The following TTC7A variants were observed in gnomAD, a reference collection of about 807,000 sequenced individuals.
The protein encoded by TTC7A is tetratricopeptide repeat domain 7A.
In TTC7A, 110 loss-of-function variants were observed where a neutral mutation model predicts 103.7. That is an observed-to-expected ratio of 1.06 (90% confidence interval 0.91 to 1.24). The LOEUF is 1.24. TTC7A is among the 50% of genes most tolerant of loss of function. The probability of loss-of-function intolerance (pLI) is 0.00; values close to 1 mark genes in which losing one functional copy is unlikely to be tolerated. For missense variants in TTC7A, 1,340 were observed against 1,116.3 expected (o/e 1.20, Z -2.86); for synonymous variants, 521 against 467.9 (o/e 1.11, Z -1.47).
chr2:46,952,509 T>C (rs919693039), intron 2 of TTC7A, among the ~76,000 whole-genome samples: 2 of 152,204 alleles, frequency 1.3e-5, no homozygotes, highest in African/African-American at 4.8e-5. Context: ...CTTAGCACTT[T>C]GGGAGGCTAA....
chr2:46,958,636 C>G (rs1672107435), intron 3 of TTC7A: 3 of 984,984 alleles, frequency 3.0e-6, no homozygotes, highest in Non-Finnish European at 4.1e-6. Context: ...ACATGGCCTC[C>G]CCTTTGCCTG....
intron 5 of TTC7A, among the ~76,000 whole-genome samples, chr2:46,979,351 A>C (rs569599964): frequency 6.6e-6 from 1 of 152,318 alleles, no homozygotes; most frequent in East Asian, 1.9e-4. Context: ...ATTCCTGTTC[A>C]TTCCGGCTTT....
intron 1 of TTC7A, among the ~76,000 whole-genome samples, chr2:46,947,306 A>G (rs898266000): frequency 1.3e-5 from 2 of 152,188 alleles, no homozygotes; most frequent in Non-Finnish European, 2.9e-5. Flanking sequence ...AAATGATGCT[A>G]TATAAAAAAG....
At chr2:47,071,668 C>T (rs1684732037) in intron 19 of TTC7A, among the ~76,000 whole-genome samples, 3 of 152,162 alleles carry the variant, frequency 2.0e-5, no homozygotes, top group Admixed American at 6.5e-5. Flanking sequence ...GGCTTCCGGC[C>T]AGCAAGCCCT....
intron 18 of TTC7A, among the ~76,000 whole-genome samples, chr2:47,057,530 C>G (rs892051004): frequency 3.9e-5 from 6 of 152,212 alleles, no homozygotes; most frequent in African/African-American, 1.4e-4. Context: ...GGGGCAGCCT[C>G]TGGAGACAGC....
chr2:47,032,606 A>G (rs1680674656), intron 15 of TTC7A, among the ~76,000 whole-genome samples: 1 of 151,928 alleles, frequency 6.6e-6, no homozygotes, highest in Non-Finnish European at 1.5e-5. Context: ...GCTGCGAAGC[A>G]TTTGGGGATC....
rs372929050 is a variant in TTC7A, at chr2:47,011,408, G to A, written c.1365G>A (p.Ala455=). 76 of 1,610,028 alleles carry A rather than the reference G, an allele frequency of 4.7e-5. No homozygotes were observed. The highest frequency in any genetic ancestry group is 3.7e-4 in the African/African-American group (28 of 75,052). Residue 455 remains alanine, a synonymous_variant, in exon 11 of 20, where the codon GCG becomes GCA. Coordinates refer to ENST00000319190, the MANE Select transcript of TTC7A (RefSeq NM_020458.4). ...PSDPTVPLMA[A]KVCIGSLRWL... is the part of the protein sequence containing the mutation. Reference sequence around the variant, plus strand: ...ACCCCACCGTGCCCCTGATGGCCGCGAAGGTCTGCATCGGGTCCCTTCGCT... The same window carrying A: ...ACCCCACCGTGCCCCTGATGGCCGCAAAGGTCTGCATCGGGTCCCTTCGCT...
At chr2:47,017,689 G>C (rs1205192730) in intron 11 of TTC7A, among the ~76,000 whole-genome samples, 1 of 152,310 alleles carries the variant, frequency 6.6e-6, no homozygotes, top group Admixed American at 6.5e-5. Context: ...GTGCGGGCCT[G>C]CGGAGGTGCC....
intron 3 of TTC7A, among the ~76,000 whole-genome samples, chr2:46,962,339 A>G (rs373555138): frequency 2.0e-5 from 3 of 152,188 alleles, no homozygotes; most frequent in East Asian, 3.9e-4. Context: ...CTCCCAGCTC[A>G]CTTGGACCTC....
chr2:46,938,243 C>T (rs748232576), upstream of TTC7A, among the ~76,000 whole-genome samples: 5 of 152,190 alleles, frequency 3.3e-5, no homozygotes, highest in Non-Finnish European at 5.9e-5. Context: ...TTTAAACCCA[C>T]AAGGAAACAT....
At chr2:46,988,945 G>A (rs1287668584) in intron 5 of TTC7A, among the ~76,000 whole-genome samples, 1 of 152,188 alleles carries the variant, frequency 6.6e-6, no homozygotes, top group East Asian at 1.9e-4. Flanking sequence ...TATTTATTCA[G>A]TGATCATTTC....
Position 47,021,588 on chromosome 2 carries a change from T to C in TTC7A, c.1393-274T>C, listed in dbSNP as rs13000736. Among the ~76,000 whole-genome samples the C allele has an allele frequency of 0.38, 57,769 of 151,840 alleles. 12,281 individuals carry two copies. The highest frequency in any genetic ancestry group is 0.53 in the East Asian group (2,732 of 5,150). On this transcript the variant is annotated intron_variant, in intron 11 of 19. Transcript: ENST00000319190. ...CTGCCCCGGCCCTGGCTTTCCTCTA[T>C]GTGCCGAGCAGGACAGGCACAGACA...
At chr2:46,953,063 T>G (rs1321599197) in intron 2 of TTC7A, among the ~76,000 whole-genome samples, 1 of 152,216 alleles carries the variant, frequency 6.6e-6, no homozygotes, top group African/African-American at 2.4e-5. Flanking sequence ...CAAAGACATA[T>G]ATAGGCACCA....
At chr2:46,978,459 G>C (rs528536248) in intron 4 of TTC7A, among the ~76,000 whole-genome samples, 1 of 152,064 alleles carries the variant, frequency 6.6e-6, no homozygotes, top group South Asian at 2.1e-4. Context: ...TAGTGCAGTG[G>C]TTCATGCCTG....
chr2:46,951,769 C>T (rs776743531), intron 2 of TTC7A: 11 of 419,978 alleles, frequency 2.6e-5, no homozygotes, highest in South Asian at 7.0e-5. Flanking sequence ...TTTATTCCAA[C>T]GTACTGTGTG....
chr2:47,043,076 G>C (rs1428648038), intron 15 of TTC7A, among the ~76,000 whole-genome samples: 3 of 152,358 alleles, frequency 2.0e-5, no homozygotes, highest in South Asian at 2.1e-4. Flanking sequence ...GCTCCGCCAG[G>C]CTTCCTGAAG....
At chr2:47,004,419 AG>A (rs1677157930) in intron 8 of TTC7A, among the ~76,000 whole-genome samples, 1 of 151,990 alleles carries the variant, frequency 6.6e-6, no homozygotes, top group Non-Finnish European at 1.5e-5. Context: ...CACCTGGAGG[AG>A]GGGAGAGCAG....
intron 19 of TTC7A, among the ~76,000 whole-genome samples, chr2:47,070,629 C>A (rs1453371649): frequency 6.6e-6 from 1 of 152,168 alleles, no homozygotes; most frequent in African/African-American, 2.4e-5. Flanking sequence ...GCTCCGCCCT[C>A]AGGGAAGGCT....
chr2:47,041,234 G>A (rs995502605), intron 15 of TTC7A, among the ~76,000 whole-genome samples: 9 of 152,174 alleles, frequency 5.9e-5, no homozygotes, highest in African/African-American at 1.4e-4. Flanking sequence ...GTGGGAGTCC[G>A]GCCCACACTG....
Sources: allele counts gnomAD v4.1 joint callset (sites outside exome capture counted in the v4.1 genomes callset), GRCh38; gene constraint gnomAD v4.1.1; transcripts MANE v1.5; gene names NCBI Gene and HGNC (gene_info 2026-07-23, HGNC 2026-07-21).